Variants in WDR27 observed in about 807,000 individuals in gnomAD.
WDR27 encodes the protein WD repeat-containing protein 27.
WDR27 carries 100 observed loss-of-function variants against 114.4 expected under a neutral mutation model. The observed-to-expected ratio is 0.87, with a 90% CI of 0.74 to 1.03. The LOEUF (loss-of-function observed/expected upper bound fraction) is 1.03, where lower values mean the gene tolerates loss of function less well. WDR27 is among the 50% of genes least tolerant of loss of function. The probability of loss-of-function intolerance (pLI) is 0.00; values close to 1 mark genes in which losing one functional copy is unlikely to be tolerated. For missense variants in WDR27, 1,129 were observed against 1,092.9 expected, an observed-to-expected ratio of 1.03 and a Z score of -0.47; for synonymous variants, 449 against 423.1, an observed-to-expected ratio of 1.06 and a Z score of -0.75.
chr6:169,645,518 T>C (rs933770365), intron 16 of WDR27, among the ~76,000 whole-genome samples: 5 of 151,636 alleles, frequency 3.3e-5, no homozygotes, highest in African/African-American at 9.7e-5. Context: ...AGGGTCACAC[T>C]GTAGAAAATC....
At chr6:169,550,434 T>C (rs1797947333) in intron 25 of WDR27, among the ~76,000 whole-genome samples, 1 of 152,124 alleles carries the variant, frequency 6.6e-6, no homozygotes, top group African/African-American at 2.4e-5. Context: ...TATTTATTTA[T>C]TTTGAGATAG....
chr6:169,464,711 A>T (rs1009956955), intron 25 of WDR27, among the ~76,000 whole-genome samples: 1 of 152,254 alleles, frequency 6.6e-6, no homozygotes, highest in African/African-American at 2.4e-5. Flanking sequence ...TATCCAGGAT[A>T]TATAGAGGAG....
intron 13 of WDR27, 50 bp downstream of exon 13, chr6:169,658,226 G>C (rs2128257377): frequency 7.0e-7 from 1 of 1,435,712 alleles, no homozygotes; most frequent in African/African-American, 1.4e-5. Context: ...TAACCACAAT[G>C]AGAACGCATC....
intron 21 of WDR27, among the ~76,000 whole-genome samples, chr6:169,623,262 A>C (rs945018719): frequency 6.6e-6 from 1 of 152,120 alleles, no homozygotes; most frequent in African/African-American, 2.4e-5. Context: ...TTCACCTCTG[A>C]CCTGACCAAT....
the WDR27 span, among the ~76,000 whole-genome samples, chr6:169,438,869 T>A: frequency 1.3e-5 from 2 of 152,226 alleles, no homozygotes; most frequent in Non-Finnish European, 2.9e-5. Context: ...AGGTCATCTC[T>A]AGTACAGGTC....
chr6:169,564,110 T>C (rs1230665096), intron 25 of WDR27, among the ~76,000 whole-genome samples: 1 of 152,240 alleles, frequency 6.6e-6, no homozygotes, highest in African/African-American at 2.4e-5. Flanking sequence ...CTTCAGTCTG[T>C]GGCCGAAGGC....
rs370837766 is a variant in WDR27 at position 169,647,890 on chromosome 6, A to G, written c.1560-20T>C. 1.0e-4 allele frequency: 155 copies of G among 1,513,560 alleles called. No individual in the cohort carries two copies. The highest frequency in any genetic ancestry group is 1.3e-4 in the Non-Finnish European group (141 of 1,125,796). 93.8% of individuals were successfully genotyped at this position (1,513,560 alleles called of 1,614,324 possible). The stretch of plus-strand genomic sequence containing the variant: ...GCCTCCCTGAGGGAAGGCCACAGGT[A>G]ACGGTGATCGGGAGACATTCACAGT... On this transcript the variant is annotated intron_variant, in intron 15 of 25. Transcript: ENST00000448612.
chr6:169,668,468 A>C, intron 4 of WDR27: 1 of 377,122 alleles, frequency 2.7e-6, no homozygotes, highest in Non-Finnish European at 4.9e-6. Flanking sequence ...ATCCCTCAGC[A>C]TCTGTTCTCC....
At position 169,552,153 on chromosome 6, in the gene WDR27, C is replaced by T. The variant is rs552489035; in HGVS notation, c.2645+20266G>A. Among the ~76,000 whole-genome samples, 6 of 152,304 alleles carry T rather than the reference C, an allele frequency of 3.9e-5. 1 individual carries two copies. The Middle Eastern group carries it at 0.014, about 345-fold the overall frequency. ...CCAAGCATCCAGGCTCCATCCTGCT[C>T]GGGCCTGTGTTCTCATCGTCCCACC... On this transcript the variant is annotated intron_variant, in intron 25 of 25. Transcript: ENST00000448612.
At chr6:169,450,126 T>C in the WDR27 span, among the ~76,000 whole-genome samples, 1 of 152,192 alleles carries the variant, frequency 6.6e-6, no homozygotes, top group Non-Finnish European at 1.5e-5. Flanking sequence ...TCTAGGACTT[T>C]AAGGAAACTA....
chr6:169,481,700 C>T (rs557461841), intron 25 of WDR27, among the ~76,000 whole-genome samples: 7 of 152,050 alleles, frequency 4.6e-5, no homozygotes, highest in South Asian at 2.1e-4. Context: ...AGTGAAACCA[C>T]GAACCCACTG....
At chr6:169,622,131 C>T (rs1035286255) in intron 21 of WDR27, among the ~76,000 whole-genome samples, 5 of 152,202 alleles carry the variant, frequency 3.3e-5, no homozygotes, top group African/African-American at 7.2e-5. Flanking sequence ...GTACCCAGGA[C>T]CTGAAGGTCC....
At chr6:169,613,535 G>T in intron 22 of WDR27, 24 bp downstream of exon 22, 1 of 1,571,342 alleles carries the variant, frequency 6.4e-7, no homozygotes, top group Non-Finnish European at 8.8e-7. Context: ...CACCCCTGCA[G>T]TGCAGGGCGC....
In WDR27 at chr6:169,469,008, T is replaced by C. The variant is rs1390944117; in HGVS notation, c.2646-11374A>G. Among the ~76,000 whole-genome samples the C allele has an allele frequency of 5.3e-5, 8 of 152,314 alleles. No individual in the cohort carries two copies. The East Asian group carries it at 1.5e-3, about 29-fold the overall frequency. ...TTATAGAATTAGGACTCCACTCTTA[T>C]GACCTCATGTAACCCTAATTTCCTC... is the stretch of plus-strand genomic sequence containing the variant. On this transcript the variant is annotated intron_variant, in intron 25 of 25. Coordinates refer to ENST00000448612, the MANE Select transcript of WDR27 (RefSeq NM_182552.5).
At chr6:169,620,412 G>C (rs111772659) in intron 21 of WDR27, among the ~76,000 whole-genome samples, 3 of 152,098 alleles carry the variant, frequency 2.0e-5, no homozygotes, top group Admixed American at 2.0e-4. Context: ...ACATCCCTCC[G>C]AGGCTTCCCT....
intron 22 of WDR27, among the ~76,000 whole-genome samples, chr6:169,612,374 C>T (rs1481681497): frequency 2.0e-5 from 3 of 152,174 alleles, no homozygotes; most frequent in Non-Finnish European, 2.9e-5. Flanking sequence ...GAGCTGAGAT[C>T]GCGCCACTGC....
chr6:169,485,292 G>C (rs1476098684), intron 25 of WDR27, among the ~76,000 whole-genome samples: 1 of 152,164 alleles, frequency 6.6e-6, no homozygotes, highest in African/African-American at 2.4e-5. Flanking sequence ...ATAAAATCCA[G>C]CATCCGTAAG....
At chr6:169,643,335 T>A (rs576402375) in intron 17 of WDR27, among the ~76,000 whole-genome samples, 1 of 152,352 alleles carries the variant, frequency 6.6e-6, no homozygotes, top group South Asian at 2.1e-4. Flanking sequence ...TAAAAATGTC[T>A]ATGTACAAAC....
chr6:169,445,639 G>C, the WDR27 span, among the ~76,000 whole-genome samples: 1 of 152,256 alleles, frequency 6.6e-6, no homozygotes, highest in Non-Finnish European at 1.5e-5. Context: ...TTTCCTGTCA[G>C]TCCCTTCTGA....
Sources: allele counts gnomAD v4.1 joint callset (sites outside exome capture counted in the v4.1 genomes callset), GRCh38; gene constraint gnomAD v4.1.1; transcripts MANE v1.5; gene names NCBI Gene and HGNC (gene_info 2026-07-23, HGNC 2026-07-21).